RFT1: variants seen among roughly 807,000 people sequenced by gnomAD.
RFT1 encodes the protein RFT1 glycolipid translocator homolog.
RFT1 carries 43 observed loss-of-function variants against 62.2 expected under a neutral mutation model. The observed-to-expected ratio is 0.69, with a 90% CI of 0.54 to 0.89. RFT1 has a LOEUF of 0.89. Ranked by LOEUF, RFT1 falls within the 40% of genes least tolerant of loss-of-function variation. The pLI, the probability that RFT1 is intolerant of heterozygous loss-of-function variation, is 0.00. For missense variants in RFT1, 605 were observed against 649.9 expected (o/e 0.93, Z 0.75); for synonymous variants, 262 against 264.6 (o/e 0.99, Z 0.10).
rs761793874 is a variant in RFT1 at position 53,130,296 on chromosome 3, C to T, written c.63+42G>A. The stretch of plus-strand genomic sequence containing the variant: ...GCCCAAGGGCTGCCATCCCGCGAAT[C>T]CCGGCTGCAGTACAAGCTGGAACCT... On this transcript the variant is annotated intron_variant, in intron 1 of 12. Coordinates refer to ENST00000296292, the MANE Select transcript of RFT1 (RefSeq NM_052859.4). 8.4e-6 allele frequency: 13 copies of T among 1,542,324 alleles called. No individual in the cohort carries two copies. In the African/African-American group the frequency reaches 1.6e-4, roughly 20 times the overall value.
intron 6 of RFT1, among the ~76,000 whole-genome samples, chr3:53,117,926 T>C (rs1006181921): frequency 1.3e-5 from 2 of 152,214 alleles, no homozygotes; most frequent in Non-Finnish European, 2.9e-5. Context: ...AGGGTCTCAC[T>C]CTGTTGCCCA....
chr3:53,113,435 G>A lies in RFT1; in HGVS notation c.697-1527C>T, dbSNP rs148752275. Among the ~76,000 whole-genome samples the A allele has an allele frequency of 7.7e-3, 1,175 of 152,290 alleles. 11 individuals are homozygous for A. Among genetic ancestry groups the A allele is most frequent in the Non-Finnish European group, 9.8e-3 (666 of 68,030 alleles). On this transcript the variant is annotated intron_variant, in intron 6 of 12. Transcript: ENST00000296292. ...TGGGAGGGGAGGGCTGAATTACAAA[G>A]GCCAAGCCCACTCTACCTCTCCAAA...
chr3:53,120,489 T>C lies in RFT1; in HGVS notation c.559-468A>G, dbSNP rs558001095. ...TGCCATTAATGATTACAAAGCACAA[T>C]TGAGCTGCTGGCTCTCTCCTCTTCG... On this transcript the variant is annotated intron_variant, in intron 5 of 12. Coordinates refer to ENST00000296292, the MANE Select transcript of RFT1 (RefSeq NM_052859.4). Among the ~76,000 whole-genome samples the C allele has an allele frequency of 4.7e-4, 72 of 152,318 alleles. 1 individual carries two copies. In the South Asian group the frequency reaches 0.015, roughly 31 times the overall value.
intron 9 of RFT1, among the ~76,000 whole-genome samples, chr3:53,104,393 T>C (rs1269259469): frequency 6.6e-6 from 1 of 152,108 alleles, no homozygotes; most frequent in Non-Finnish European, 1.5e-5. Context: ...GTTCTTTTTT[T>C]TTTTTTTAAA....
chr3:53,125,757 T>C (rs1702090958), intron 2 of RFT1, 152 bp downstream of exon 2: 1 of 640,346 alleles, frequency 1.6e-6, no homozygotes, highest in East Asian at 2.9e-5. Context: ...CCTCCACTCC[T>C]GCACGCTTCT....
At chr3:53,075,105 G>A in the RFT1 span, among the ~76,000 whole-genome samples, 2 of 152,210 alleles carry the variant, frequency 1.3e-5, no homozygotes, top group East Asian at 1.9e-4. Context: ...CTTGGGCCCC[G>A]TTCTCCAGAA....
chr3:53,082,719 C>A, the RFT1 span, among the ~76,000 whole-genome samples: 2 of 152,152 alleles, frequency 1.3e-5, no homozygotes, highest in Non-Finnish European at 2.9e-5. Context: ...TCCCCACAAA[C>A]CCGGCACATG....
At chr3:53,067,549 G>A in the RFT1 span, among the ~76,000 whole-genome samples, 5 of 152,302 alleles carry the variant, frequency 3.3e-5, no homozygotes, top group East Asian at 9.6e-4. Context: ...GGGTGAGGAA[G>A]TTTGCTCGGG....
At chr3:53,076,820 A>G in the RFT1 span, among the ~76,000 whole-genome samples, 1 of 152,030 alleles carries the variant, frequency 6.6e-6, no homozygotes, top group Non-Finnish European at 1.5e-5. Context: ...GGTAGCACAC[A>G]CTTGTAGTCC....
At chr3:53,096,105 T>C (rs879149234) in intron 11 of RFT1, among the ~76,000 whole-genome samples, 1 of 152,182 alleles carries the variant, frequency 6.6e-6, no homozygotes, top group Admixed American at 6.5e-5. Context: ...TACCACTCAC[T>C]ATATACCCGT....
chr3:53,069,087 G>A, the RFT1 span, among the ~76,000 whole-genome samples: 1 of 152,218 alleles, frequency 6.6e-6, no homozygotes. Flanking sequence ...CTACAGGCAT[G>A]TGCCACTACG....
the RFT1 span, among the ~76,000 whole-genome samples, chr3:53,079,975 G>A: frequency 2.8e-4 from 43 of 152,288 alleles, no homozygotes; most frequent in African/African-American, 9.9e-4. Flanking sequence ...ACCGTGGCCC[G>A]GGCCTTGGAA....
intron 10 of RFT1, chr3:53,102,970 C>T: frequency 3.3e-6 from 1 of 306,600 alleles, no homozygotes; most frequent in Non-Finnish European, 4.8e-6. Flanking sequence ...CATAAACTTA[C>T]TAATGCCTTC....
chr3:53,071,976 T>G, the RFT1 span, among the ~76,000 whole-genome samples: 1 of 152,328 alleles, frequency 6.6e-6, no homozygotes, highest in East Asian at 1.9e-4. Context: ...CACTGTGGCC[T>G]CAAGAGGCCC....
chr3:53,124,778 C>T (rs982221437), intron 2 of RFT1, among the ~76,000 whole-genome samples: 4 of 151,990 alleles, frequency 2.6e-5, no homozygotes, highest in Non-Finnish European at 5.9e-5. Flanking sequence ...TCGAGACCAG[C>T]CTGGGCAACA....
At chr3:53,070,406 T>G in the RFT1 span, among the ~76,000 whole-genome samples, 1 of 139,206 alleles carries the variant, frequency 7.2e-6, no homozygotes, top group East Asian at 2.1e-4. Context: ...TTTTTTTTTT[T>G]TTTTTTTTTT....
chr3:53,123,645 G>C (rs1419220458), intron 3 of RFT1, 79 bp downstream of exon 3: 5 of 1,129,712 alleles, frequency 4.4e-6, no homozygotes, highest in Non-Finnish European at 5.4e-6. Flanking sequence ...TTCAGCTTTA[G>C]GCACGTGTTA....
chr3:53,089,981 A>C lies in RFT1; in HGVS notation c.*1922T>G, dbSNP rs955471079. ...GAGAACAGGCACTGTGAGCATGAGC[A>C]TGATGGTCCTGGGCCTGTCACGAAG... is the stretch of plus-strand genomic sequence containing the variant. On this transcript the variant is annotated 3_prime_UTR_variant, in exon 13 of 13. Coordinates refer to ENST00000296292, the MANE Select transcript of RFT1 (RefSeq NM_052859.4). 1 of 152,734 alleles carries C rather than the reference A, an allele frequency of 6.5e-6. No homozygotes were observed. Among genetic ancestry groups the C allele is most frequent in the Non-Finnish European group, 1.5e-5 (1 of 68,086 alleles). 9.5% of individuals were successfully genotyped at this position (152,734 alleles called of 1,614,324 possible).
At chr3:53,073,930 C>A in the RFT1 span, among the ~76,000 whole-genome samples, 1 of 152,224 alleles carries the variant, frequency 6.6e-6, no homozygotes, top group African/African-American at 2.4e-5. Context: ...CACACATGCA[C>A]ACACTTCCTG....
Sources: gnomAD v4.1 joint callset for allele counts (sites outside exome capture counted in the v4.1 genomes callset) on GRCh38, gnomAD v4.1.1 for gene constraint, MANE v1.5 for transcripts, NCBI Gene and HGNC (gene_info 2026-07-23, HGNC 2026-07-21) for gene names.